RNF123: variants seen among roughly 807,000 people sequenced by gnomAD.
RNF123 encodes the protein E3 ubiquitin-protein ligase RNF123.
In RNF123, 86 loss-of-function variants were observed where a neutral mutation model predicts 168.5. The ratio of observed to expected loss-of-function variants is 0.51; its 90% CI spans 0.43 to 0.61. RNF123 has a LOEUF of 0.61. Among genes scored for constraint, RNF123 ranks in the 20% least tolerant of loss-of-function variants. The pLI is 0.00. For synonymous variants in RNF123, 666 were observed against 689.1 expected (o/e 0.97, Z 0.52); for missense variants, 1,419 against 1,729.7 (o/e 0.82, Z 3.19).
Position 49,704,734 on chromosome 3 carries a change from A to G in RNF123, c.1937A>G (p.Glu646Gly). The stretch of plus-strand genomic sequence containing the variant: ...ATGGATGACCTAGATGAGGATGAGG[A>G]GCCAGCCCCAGCTATGGCCCAGGTG... ...TAMDDLDEDE[E>G]PAPAMAQRPM... Residue 646 changes from glutamate to glycine, a missense_variant, in exon 22 of 39, where the codon GAG (glutamate) becomes GGG (glycine). By Grantham distance (98) the Glu-to-Gly change is moderately conservative. Around this residue, in one of 5 missense-constraint regions of RNF123, gnomAD observed 538 missense variants for 708.8 expected, o/e 0.76. Coordinates refer to ENST00000327697, the MANE Select transcript of RNF123 (RefSeq NM_022064.5). 2 of 1,584,754 alleles carry G rather than the reference A, an allele frequency of 1.3e-6. No individual in the cohort carries two copies. Among genetic ancestry groups the G allele is most frequent in the East Asian group, 2.3e-5 (1 of 44,284 alleles).
At chr3:49,703,336 G>T (rs1412824637) in intron 20 of RNF123, 91 bp from the exon 21 acceptor site, 5 of 1,034,194 alleles carry the variant, frequency 4.8e-6, no homozygotes, top group Non-Finnish European at 7.3e-6. Context: ...GAATTCCCAG[G>T]CTGTGCTAGG....
At chr3:49,719,575 AG>A in intron 35 of RNF123, 1 of 983,018 alleles carries the variant, frequency 1.0e-6, no homozygotes, top group Non-Finnish European at 1.5e-6. Flanking sequence ...GCCCTTGCCG[AG>A]GAGGCACGGC....
At chr3:49,705,469 T>C in intron 23 of RNF123, 65 bp from the exon 24 acceptor site, 1 of 1,525,624 alleles carries the variant, frequency 6.6e-7, no homozygotes, top group Non-Finnish European at 8.8e-7. Flanking sequence ...CCTCTCCTGC[T>C]GTGAGGCAGG....
In RNF123 at chr3:49,699,471, C is replaced by G; in HGVS notation, c.768C>G (p.Tyr256Ter). Residue 256 changes from tyrosine (Y) to a stop codon, truncating the protein, a stop_gained, in exon 11 of 39, where the codon TAC becomes TAG. Coordinates refer to ENST00000327697, the MANE Select transcript of RNF123 (RefSeq NM_022064.5). LOFTEE classifies it high-confidence loss of function. This position sits in a 1 kb window ranked among gnomAD's most constrained non-coding sequence, Gnocchi z 4.8. ...AFNFGSRPLRYPVAGYRPLQD... is the reference protein window; with the variant it reads ...AFNFGSRPLR Reference sequence around the variant, plus strand: ...GTTGCTGGCTTAACTCTGGCACCTACCCAGTGGCAGGCTACCGGCCCCTGC... The same window carrying G: ...GTTGCTGGCTTAACTCTGGCACCTAGCCAGTGGCAGGCTACCGGCCCCTGC... The G allele has an allele frequency of 6.2e-7, 1 of 1,600,198 alleles. No individual in the cohort carries two copies. Among genetic ancestry groups the G allele is most frequent in the Non-Finnish European group, 8.5e-7 (1 of 1,173,388 alleles).
chr3:49,712,858 T>A (rs1273789465), intron 27 of RNF123: 1 of 713,994 alleles, frequency 1.4e-6, no homozygotes, highest in Admixed American at 2.0e-5. Context: ...AGCCAACAGC[T>A]CCCTAGCAAA....
Position 49,700,358 on chromosome 3 carries a change from G to T in RNF123, c.1110+6G>T. 6.2e-7 allele frequency: 1 copy of T among 1,614,090 alleles called. No homozygotes were observed. Among genetic ancestry groups the T allele is most frequent in the Non-Finnish European group, 8.5e-7 (1 of 1,179,956 alleles). On this transcript the variant is annotated splice_donor_region_variant and intron_variant, in intron 13 of 38. Transcript: ENST00000327697. ...TCTTGTGGCTCTTCATGGAGGTGAG[G>T]CTCCTGACCTCAGGCCTCAGGCCTG...
Position 49,697,475 on chromosome 3 carries a change from G to T in RNF123, c.342+18G>T. The stretch of plus-strand genomic sequence containing the variant: ...TGCTGGGGGTGAGTGAGGGTGAGGT[G>T]TGGAGACCCAGGTCCAGCCCCTTCT... On this transcript the variant is annotated intron_variant, in intron 5 of 38. Transcript: ENST00000327697. 1.3e-6 allele frequency: 2 copies of T among 1,571,218 alleles called. No individual in the cohort carries two copies. Among genetic ancestry groups the T allele is most frequent in the Non-Finnish European group, 1.7e-6 (2 of 1,156,252 alleles).
Position 49,716,193 on chromosome 3 carries a change from C to G in RNF123, c.3415+16C>G. 1 of 1,612,632 alleles carries G rather than the reference C, an allele frequency of 6.2e-7. No individual in the cohort carries two copies. The highest frequency in any genetic ancestry group is 8.5e-7 in the Non-Finnish European group (1 of 1,179,130). ...CGGCTGCCTGGTGAGGACCTAGATG[C>G]CCTGCACCCCAACACACTACAGGCC... is the stretch of plus-strand genomic sequence containing the variant. On this transcript the variant is annotated intron_variant, in intron 34 of 38. Coordinates refer to ENST00000327697, the MANE Select transcript of RNF123 (RefSeq NM_022064.5).
intron 3 of RNF123, among the ~76,000 whole-genome samples, chr3:49,696,129 C>T (rs2054262310): frequency 1.3e-5 from 2 of 152,306 alleles, no homozygotes; most frequent in Non-Finnish European, 2.9e-5. Flanking sequence ...GGCCTAGGGG[C>T]AAGGGTTGGA....
Position 49,699,830 on chromosome 3 carries a change from C to T in RNF123, c.984+58C>T, listed in dbSNP as rs2054342102. 5.9e-6 allele frequency: 9 copies of T among 1,537,370 alleles called. No homozygotes were observed. The highest frequency in any genetic ancestry group is 4.5e-5 in the East Asian group (2 of 44,292). On this transcript the variant is annotated intron_variant, in intron 12 of 38. Coordinates refer to ENST00000327697, the MANE Select transcript of RNF123 (RefSeq NM_022064.5). This position sits in a 1 kb window ranked among gnomAD's most constrained non-coding sequence, Gnocchi z 4.8. ...GGAGACAGGCCATGCTAGACACGCC[C>T]GTGGTAGATGTGCCCTCACTGAGGG... is the stretch of plus-strand genomic sequence containing the variant.
At chr3:49,698,848 G>A (rs1410847361) in intron 9 of RNF123, 26 bp downstream of exon 9, 2 of 1,612,282 alleles carry the variant, frequency 1.2e-6, no homozygotes, top group African/African-American at 2.7e-5. Context: ...CTATGCACAG[G>A]CCTGGCCCCT....
chr3:49,700,549 A>C lies in RNF123; in HGVS notation c.1188A>C (p.Pro396=), dbSNP rs1417517543. ...LRLYRFSPIV[P]DLGLQIHYLR... is the part of the protein sequence containing the mutation. ...TGTACCGATTCTCACCCATTGTCCC[A>C]GACCTGGGCCTACAGGTGGGAGCCC... The change falls in exon 14 of 39, where the codon CCA becomes CCC. Residue 396 remains proline (P), a synonymous_variant. Transcript: ENST00000327697. 3.1e-6 allele frequency: 5 copies of C among 1,614,092 alleles called. No individual in the cohort carries two copies. In the Admixed American group the frequency reaches 5.0e-5, roughly 16 times the overall value.
chr3:49,695,187 C>G (rs1270664233), intron 3 of RNF123, among the ~76,000 whole-genome samples: 1 of 152,172 alleles, frequency 6.6e-6, no homozygotes, highest in Non-Finnish European at 1.5e-5. Flanking sequence ...ACTGCAACCT[C>G]AAAGTCCCAG....
Position 49,700,493 on chromosome 3 carries a change from C to T in RNF123, c.1132C>T (p.Leu378Phe). The T allele has an allele frequency of 6.2e-7, 1 of 1,614,160 alleles. No homozygotes were observed. Among genetic ancestry groups the T allele is most frequent in the Non-Finnish European group, 8.5e-7 (1 of 1,180,020 alleles). The change falls in exon 14 of 39, where the codon CTC becomes TTC. Residue 378 changes from leucine to phenylalanine, a missense_variant. Leu to Phe is a conservative substitution (Grantham distance 22, BLOSUM62 0). Transcript: ENST00000327697. The part of the protein sequence containing the change: ...FMEDYEVQDC[L>F]KQLMMSLLRL... ...CCAGGACTACGAGGTACAAGATTGC[C>T]TCAAGCAGTTGATGATGTCTCTGCT...
chr3:49,694,837 A>G (rs1215533177), intron 3 of RNF123, among the ~76,000 whole-genome samples: 2 of 151,744 alleles, frequency 1.3e-5, no homozygotes, highest in African/African-American at 2.4e-5. Flanking sequence ...CTCATGTGAT[A>G]CCAGAGATGG....
At chr3:49,720,463 A>G (rs1373338359) in intron 35 of RNF123, 48 bp from the exon 36 acceptor site, 1 of 1,503,356 alleles carries the variant, frequency 6.7e-7, no homozygotes, top group East Asian at 2.3e-5. Context: ...AGAGACTTTT[A>G]GCCAGGCCCC....
chr3:49,699,231 G>A lies in RNF123; in HGVS notation c.764+126G>A. 1.5e-6 allele frequency: 2 copies of A among 1,339,072 alleles called. No homozygotes were observed. The highest frequency in any genetic ancestry group is 2.8e-5 in the South Asian group (2 of 70,866). 82.9% of individuals were successfully genotyped at this position (1,339,072 alleles called of 1,614,324 possible). A position where few individuals can be genotyped will look rare whatever the true frequency, so the allele number is the denominator to read the frequency against. The stretch of plus-strand genomic sequence containing the variant: ...CCTGGCTGCTGCAGAGTTAGTGGGG[G>A]GCCATGTAGAGTGTCGAAGAAAACT... On this transcript the variant is annotated intron_variant, in intron 10 of 38. Transcript: ENST00000327697. The surrounding 1 kb of genome is among the most constrained non-coding windows in gnomAD (Gnocchi z 4.8).
Position 49,716,057 on chromosome 3 carries a change from T to G in RNF123, c.3340-45T>G, listed in dbSNP as rs374268705. 3.1e-6 allele frequency: 5 copies of G among 1,613,560 alleles called. No homozygotes were observed. In the African/African-American group the frequency reaches 6.7e-5, roughly 21 times the overall value. Reference sequence around the variant, plus strand: ...GGGTGGGACCCTGGGGATGCCCCATTGATGACGCTCCCCATCCACCAATGG... The same window carrying G: ...GGGTGGGACCCTGGGGATGCCCCATGGATGACGCTCCCCATCCACCAATGG... On this transcript the variant is annotated intron_variant, in intron 33 of 38. Coordinates refer to ENST00000327697, the MANE Select transcript of RNF123 (RefSeq NM_022064.5).
rs2054154448 is a variant in RNF123 at position 49,691,176 on chromosome 3, A to T, written c.11A>T (p.Lys4Met). ...CATGAGAGATGAAGGATGGCATCCA[A>T]GGGGGCCGGCATGTCTTTCTCCCGC... MASKGAGMSFSRKS... is the reference protein window; with the variant it reads MASMGAGMSFSRKS... Residue 4 changes from lysine to methionine, a missense_variant, in exon 2 of 39, where the codon AAG (lysine) becomes ATG (methionine). Lys to Met is a moderately conservative substitution (Grantham distance 95). Transcript: ENST00000327697. 1 of 1,613,710 alleles carries T rather than the reference A, an allele frequency of 6.2e-7. No homozygotes were observed. The highest frequency in any genetic ancestry group is 1.7e-5 in the Admixed American group (1 of 59,988).
Sources: gnomAD v4.1 joint callset for allele counts (sites outside exome capture counted in the v4.1 genomes callset) on GRCh38, gnomAD v4.1.1 for gene constraint, gnomAD v4.1.1 regional missense constraint, Gnocchi (gnomAD v3.1) non-coding constraint, MANE v1.5 for transcripts, NCBI Gene and HGNC (gene_info 2026-07-23, HGNC 2026-07-21) for gene names.